RAP1GAP2: variants seen among roughly 807,000 people sequenced by gnomAD.
RAP1GAP2 encodes RAP1 GTPase activating protein 2.
Under a neutral mutation model 95.0 loss-of-function variants are expected in RAP1GAP2, and 27 were observed. The ratio of observed to expected loss-of-function variants is 0.28; its 90% confidence interval spans 0.21 to 0.39. The LOEUF is 0.39. Among genes scored for constraint, RAP1GAP2 ranks in the 10% least tolerant of loss-of-function variants. The pLI is 1.00. For synonymous variants in RAP1GAP2, 373 were observed against 380.9 expected (o/e 0.98, Z 0.24); for missense variants, 771 against 970.0 (o/e 0.79, Z 2.72).
At chr17:2,893,140 G>A (rs547508687) in intron 2 of RAP1GAP2, among the ~76,000 whole-genome samples, 1 of 152,020 alleles carries the variant, frequency 6.6e-6, no homozygotes, top group African/African-American at 2.4e-5. Context: ...TGATTCTCCT[G>A]CCTCAGCCTC....
intron 8 of RAP1GAP2, among the ~76,000 whole-genome samples, chr17:2,978,920 A>G (rs573693413): frequency 1.1e-3 from 111 of 102,172 alleles, no homozygotes; most frequent in African/African-American, 3.8e-3. Context: ...GGGCAACAAG[A>G]GCGAAACTCT....
chr17:3,026,403 G>T lies in RAP1GAP2; in HGVS notation c.1919G>T (p.Ser640Ile). The change falls in exon 21 of 25, where the codon AGC (serine) becomes ATC (isoleucine). Residue 640 changes from serine to isoleucine, a missense_variant. By Grantham distance (142) the Ser-to-Ile change is moderately radical. Coordinates refer to ENST00000254695, the MANE Select transcript of RAP1GAP2 (RefSeq NM_015085.5). ...CGTGCCATCTCCCGCTCCTCCTCCA[G>T]CACCAGCAGCGTCAGCAGCACTGCA... ...NGRAISRSSS[S>I]TSSVSSTAGE... 1 of 1,552,646 alleles carries T rather than the reference G, an allele frequency of 6.4e-7. No individual in the cohort carries two copies.
intron 2 of RAP1GAP2, among the ~76,000 whole-genome samples, chr17:2,888,808 G>A (rs1321760358): frequency 1.5e-5 from 2 of 135,068 alleles, no homozygotes; most frequent in East Asian, 2.2e-4. Flanking sequence ...ACACCACCAC[G>A]CCCAGCTAAT....
chr17:2,946,941 A>G (rs1480259567), intron 3 of RAP1GAP2, among the ~76,000 whole-genome samples: 1 of 151,986 alleles, frequency 6.6e-6, no homozygotes, highest in African/African-American at 2.4e-5. Context: ...TTTTAGTAGA[A>G]ACAGGGTTTC....
At chr17:2,830,389 T>C (rs1357861557) in intron 2 of RAP1GAP2, among the ~76,000 whole-genome samples, 3 of 145,400 alleles carry the variant, frequency 2.1e-5, no homozygotes, top group Admixed American at 6.9e-5. Context: ...TGCACTCCAG[T>C]CTGGGCGACA....
At chr17:2,850,749 C>CAAA (rs11323119) in intron 2 of RAP1GAP2, among the ~76,000 whole-genome samples, 29 of 91,248 alleles carry the variant, frequency 3.2e-4, no homozygotes, top group African/African-American at 8.1e-4. Flanking sequence ...GACTCCACCT[C>CAAA]AAAAAAAAAA....
chr17:2,764,608 C>T (rs2068242661), intron 1 of RAP1GAP2, among the ~76,000 whole-genome samples: 1 of 151,976 alleles, frequency 6.6e-6, no homozygotes, highest in African/African-American at 2.4e-5. Context: ...ATAATCCCAG[C>T]TACTCAGGAG....
In RAP1GAP2 at chr17:2,909,723, C is replaced by T. The variant is rs547618257; in HGVS notation, c.165+4355C>T. ...TCCTCCCCCGTGTTCTGTCCTTCTC[C>T]CCTTTGAGCTCAGCTCAGCAATTTC... On this transcript the variant is annotated intron_variant, in intron 3 of 24. Transcript: ENST00000254695. 4.6e-5 allele frequency among the ~76,000 whole-genome samples: 7 copies of T among 152,294 alleles called. No homozygotes were observed. In the East Asian group the frequency reaches 7.7e-4, roughly 17 times the overall value.
chr17:3,015,138 A>G (rs1303272116), intron 17 of RAP1GAP2, among the ~76,000 whole-genome samples: 1 of 152,180 alleles, frequency 6.6e-6, no homozygotes, highest in Non-Finnish European at 1.5e-5. Flanking sequence ...CGGGGTAAAT[A>G]GAACGCGCTG....
intron 8 of RAP1GAP2, among the ~76,000 whole-genome samples, chr17:2,972,964 G>A (rs182393505): frequency 2.0e-5 from 3 of 152,202 alleles, no homozygotes; most frequent in South Asian, 2.1e-4. Flanking sequence ...TTCTGTTCTC[G>A]GTCTTACTCA....
At chr17:2,844,994 C>A (rs1034850632) in intron 2 of RAP1GAP2, among the ~76,000 whole-genome samples, 1 of 152,122 alleles carries the variant, frequency 6.6e-6, no homozygotes, top group Non-Finnish European at 1.5e-5. Context: ...CGGGGTGGTC[C>A]CCAGGAGGTT....
chr17:2,793,872 G>C (rs950927339), upstream of RAP1GAP2, among the ~76,000 whole-genome samples: 1 of 152,036 alleles, frequency 6.6e-6, no homozygotes, highest in African/African-American at 2.4e-5. Context: ...AGGCTGAGAC[G>C]GGTGGATCAC....
At chr17:2,884,147 C>T (rs1195723299) in intron 2 of RAP1GAP2, among the ~76,000 whole-genome samples, 7 of 152,154 alleles carry the variant, frequency 4.6e-5, no homozygotes, top group Admixed American at 2.0e-4. Context: ...GTGTGCATTG[C>T]AAGTGAGAAG....
At chr17:3,021,046 CTT>C (rs780090673) in intron 19 of RAP1GAP2, among the ~76,000 whole-genome samples, 7 of 152,082 alleles carry the variant, frequency 4.6e-5, no homozygotes, top group Non-Finnish European at 8.8e-5. Flanking sequence ...CTTTCTGATT[CTT>C]TTAAAAAAAT....
chr17:2,938,043 A>G (rs1384626589), intron 3 of RAP1GAP2, among the ~76,000 whole-genome samples: 2 of 152,216 alleles, frequency 1.3e-5, no homozygotes, highest in African/African-American at 4.8e-5. Context: ...GGGCAGGAGC[A>G]GGGAGCGAGC....
intron 3 of RAP1GAP2, among the ~76,000 whole-genome samples, chr17:2,952,758 AT>A (rs1422543253): frequency 6.6e-6 from 1 of 151,452 alleles, no homozygotes; most frequent in African/African-American, 2.4e-5. Flanking sequence ...TTCATTGGTT[AT>A]TTTATGTGTG....
intron 2 of RAP1GAP2, among the ~76,000 whole-genome samples, chr17:2,849,313 A>G (rs533528949): frequency 6.6e-6 from 1 of 152,092 alleles, no homozygotes; most frequent in Non-Finnish European, 1.5e-5. Context: ...GAACGGTGGC[A>G]GTCATTCTGC....
intron 1 of RAP1GAP2, chr17:2,755,893 G>T: frequency 3.5e-6 from 1 of 287,322 alleles, no homozygotes; most frequent in Non-Finnish European, 6.5e-6. Flanking sequence ...GCCCGGGTGG[G>T]CGGAGGGGCG....
intron 2 of RAP1GAP2, among the ~76,000 whole-genome samples, chr17:2,859,523 C>T (rs573042259): frequency 6.6e-6 from 1 of 152,268 alleles, no homozygotes; most frequent in African/African-American, 2.4e-5. Context: ...GCAACTTCCG[C>T]CTCCTGGGCT....
Sources: allele counts gnomAD v4.1 joint callset (sites outside exome capture counted in the v4.1 genomes callset), GRCh38; gene constraint gnomAD v4.1.1; transcripts MANE v1.5; gene names NCBI Gene and HGNC (gene_info 2026-07-23, HGNC 2026-07-21).